STAT4: variants seen among roughly 807,000 people sequenced by gnomAD.
STAT4 encodes signal transducer and activator of transcription 4.
Under a neutral mutation model 110.5 loss-of-function variants are expected in STAT4, and 42 were observed. The observed-to-expected ratio is 0.38, with a 90% confidence interval of 0.30 to 0.49. The LOEUF is 0.49. STAT4 is among the 20% of genes least tolerant of loss of function. The pLI is 0.95. For synonymous variants in STAT4, 284 were observed against 302.2 expected (o/e 0.94, Z 0.63); for missense variants, 632 against 887.9 (o/e 0.71, Z 3.66).
chr2:191,131,833 T>G (rs754410186), intron 3 of STAT4: 1 of 1,442,832 alleles, frequency 6.9e-7, no homozygotes, highest in South Asian at 1.5e-5. Flanking sequence ...GGGACAAGAT[T>G]TGGACCTTTG....
intron 17 of STAT4, 45 bp from the exon 18 acceptor site, chr2:191,034,642 T>G (rs368894302): frequency 1.4e-6 from 2 of 1,394,088 alleles, no homozygotes; most frequent in Non-Finnish European, 2.0e-6. Context: ...GACAATGAGA[T>G]GCTTCAATTT....
In STAT4 at chr2:191,037,554, A is replaced by G. The variant is rs1696078044; in HGVS notation, c.1435-1255T>C. On this transcript the variant is annotated intron_variant, in intron 16 of 23. Coordinates refer to ENST00000392320, the MANE Select transcript of STAT4 (RefSeq NM_003151.4). This position sits in a 1 kb window ranked among gnomAD's most constrained non-coding sequence, Gnocchi z 4.8. ...AGACTCTGTCCCAGATTACTGGAAA[A>G]CAGATGTGTGAAACTCAAGAAACAT... Among the ~76,000 whole-genome samples, 1 of 152,240 alleles carries G rather than the reference A, an allele frequency of 6.6e-6. No homozygotes were observed.
At chr2:191,093,448 G>A (rs191970465) in intron 3 of STAT4, among the ~76,000 whole-genome samples, 1 of 152,332 alleles carries the variant, frequency 6.6e-6, no homozygotes, top group East Asian at 1.9e-4. Flanking sequence ...GGCAAACAGG[G>A]TCTGGAGTGG....
chr2:191,141,793 G>T (rs1037152538), intron 3 of STAT4, among the ~76,000 whole-genome samples: 1 of 151,754 alleles, frequency 6.6e-6, no homozygotes, highest in Admixed American at 6.6e-5. Context: ...ATCACATCTG[G>T]CTAATTTTTG....
rs550916354 is a variant in STAT4, at chr2:191,133,061, T to C, written c.273+13552A>G. The stretch of plus-strand genomic sequence containing the variant: ...GGGCCACTGCGCCTGGCGGTTTTCA[T>C]AGTTTTAAAAATTAACTTGAGTGGA... On this transcript the variant is annotated intron_variant, in intron 3 of 23. Coordinates refer to ENST00000392320, the MANE Select transcript of STAT4 (RefSeq NM_003151.4). 4.4e-4 allele frequency among the ~76,000 whole-genome samples: 67 copies of C among 151,560 alleles called. 5 individuals carry two copies. Among genetic ancestry groups the C allele is most frequent in the African/African-American group, 1.6e-3 (66 of 41,094 alleles).
intron 3 of STAT4, among the ~76,000 whole-genome samples, chr2:191,114,536 A>G (rs527566279): frequency 2.1e-4 from 32 of 152,302 alleles, no homozygotes; most frequent in African/African-American, 7.0e-4. Context: ...AGGAAGTCAC[A>G]ACTCTCAGTT....
At chr2:191,054,411 G>T in intron 14 of STAT4, 79 bp downstream of exon 14, 1 of 1,140,532 alleles carries the variant, frequency 8.8e-7, no homozygotes, top group Non-Finnish European at 1.3e-6. Context: ...ATGAAGTCAA[G>T]CAGTTTAAAA....
chr2:191,082,851 G>A lies in STAT4; in HGVS notation c.274-6526C>T, dbSNP rs1697524249. On this transcript the variant is annotated intron_variant, in intron 3 of 23. Coordinates refer to ENST00000392320, the MANE Select transcript of STAT4 (RefSeq NM_003151.4). The surrounding 1 kb of genome is among the most constrained non-coding windows in gnomAD (Gnocchi z 4.7). ...CATGGAGCCTGAAACTTCACAATTA[G>A]GAATTCACTCCTCTGAGTTCTTTTC... Among the ~76,000 whole-genome samples the A allele has an allele frequency of 6.6e-6, 1 of 152,126 alleles. No individual in the cohort carries two copies. Among genetic ancestry groups the A allele is most frequent in the Non-Finnish European group, 1.5e-5 (1 of 68,026 alleles).
intron 3 of STAT4, among the ~76,000 whole-genome samples, chr2:191,087,567 T>C (rs1344694664): frequency 6.6e-6 from 1 of 152,080 alleles, no homozygotes; most frequent in Non-Finnish European, 1.5e-5. Context: ...AAATCTGAAA[T>C]GAAACATTTA....
At position 191,091,404 on chromosome 2, in the gene STAT4, AG is replaced by A. The variant is rs34693532; in HGVS notation, c.274-15080del. On this transcript the variant is annotated intron_variant, in intron 3 of 23. Transcript: ENST00000392320. This position sits in a 1 kb window ranked among gnomAD's most constrained non-coding sequence, Gnocchi z 5.4. Reference sequence around the variant, plus strand: ...GGTCTTACATGAATTAAATTAAACTAGGGTCACACTGAAAACTTTAAAATCT... The same window carrying A: ...GGTCTTACATGAATTAAATTAAACTAGGTCACACTGAAAACTTTAAAATCT... Among the ~76,000 whole-genome samples the A allele has an allele frequency of 0.1, 15,286 of 152,278 alleles. 881 individuals carry two copies. The highest frequency in any genetic ancestry group is 0.16 in the African/African-American group (6,487 of 41,532).
intron 4 of STAT4, among the ~76,000 whole-genome samples, chr2:191,074,462 A>C (rs1697256580): frequency 6.6e-6 from 1 of 152,168 alleles, no homozygotes; most frequent in African/African-American, 2.4e-5. Context: ...AATAACCAGC[A>C]CTTCTTTTGT....
At chr2:191,036,361 G>C in intron 16 of STAT4, 62 bp from the exon 17 acceptor site, 1 of 1,570,500 alleles carries the variant, frequency 6.4e-7, no homozygotes, top group Non-Finnish European at 8.7e-7. Flanking sequence ...AGTGAGGTGT[G>C]AGCAGGGCAA....
intron 3 of STAT4, among the ~76,000 whole-genome samples, chr2:191,119,201 C>G (rs1045025602): frequency 6.6e-6 from 1 of 152,148 alleles, no homozygotes; most frequent in South Asian, 2.1e-4. Flanking sequence ...AATTAATAAA[C>G]GTCCAATTAG....
intron 3 of STAT4, among the ~76,000 whole-genome samples, chr2:191,076,970 A>G (rs1697333792): frequency 6.6e-6 from 1 of 152,056 alleles, no homozygotes; most frequent in South Asian, 2.1e-4. Context: ...GGTGGTCTCA[A>G]TTTTTCACTT....
chr2:191,141,077 T>C (rs1302598978), intron 3 of STAT4, among the ~76,000 whole-genome samples: 4 of 151,364 alleles, frequency 2.6e-5, no homozygotes, highest in Non-Finnish European at 4.4e-5. Context: ...CTTTGGGGAC[T>C]TGTGGGGGAA....
chr2:191,137,503 C>T (rs992606732), intron 3 of STAT4, among the ~76,000 whole-genome samples: 2 of 151,620 alleles, frequency 1.3e-5, no homozygotes, highest in Non-Finnish European at 2.9e-5. Flanking sequence ...ATAGAAAAAA[C>T]AAAATAGTAA....
Position 191,146,766 on chromosome 2 carries a change from A to C in STAT4, c.129-9T>G. On this transcript the variant is annotated splice_polypyrimidine_tract_variant and intron_variant, in intron 2 of 23. Coordinates refer to ENST00000392320, the MANE Select transcript of STAT4 (RefSeq NM_003151.4). The surrounding 1 kb of genome is among the most constrained non-coding windows in gnomAD (Gnocchi z 4.5). ...TGTTAGAAGCTGCCTCCCTAAAAAA[A>C]AAAAGGATTATTACACAACAGAAAA... 6.5e-7 allele frequency: 1 copy of C among 1,538,372 alleles called. No homozygotes were observed. Among genetic ancestry groups the C allele is most frequent in the Non-Finnish European group, 8.7e-7 (1 of 1,148,162 alleles).
intron 3 of STAT4, among the ~76,000 whole-genome samples, chr2:191,088,880 T>C (rs1697711082): frequency 6.6e-6 from 1 of 152,176 alleles, no homozygotes; most frequent in African/African-American, 2.4e-5. Flanking sequence ...CAGCTGGATA[T>C]GCAAAAAGTG....
intron 13 of STAT4, among the ~76,000 whole-genome samples, chr2:191,056,447 A>T (rs1696696246): frequency 6.6e-6 from 1 of 152,218 alleles, no homozygotes; most frequent in Non-Finnish European, 1.5e-5. Context: ...TATACCAAGG[A>T]ACATCCTATT....
Sources: gnomAD v4.1 joint callset for allele counts (sites outside exome capture counted in the v4.1 genomes callset) on GRCh38, gnomAD v4.1.1 for gene constraint, Gnocchi (gnomAD v3.1) non-coding constraint, MANE v1.5 for transcripts, NCBI Gene and HGNC (gene_info 2026-07-23, HGNC 2026-07-21) for gene names.